OSBPL7: variants seen among roughly 807,000 people sequenced by gnomAD.
OSBPL7 encodes oxysterol binding protein like 7, also known as oxysterol-binding protein-related protein 7.
OSBPL7 carries 66 observed loss-of-function variants against 115.8 expected under a neutral mutation model. The observed-to-expected ratio is 0.57, with a 90% CI of 0.47 to 0.70. OSBPL7 has a LOEUF of 0.70. Among genes scored for constraint, OSBPL7 ranks in the 30% least tolerant of loss-of-function variants. OSBPL7 has a pLI of 0.00. For missense variants in OSBPL7, 902 were observed against 1,125.5 expected (o/e 0.80, Z 2.84); for synonymous variants, 441 against 439.2 (o/e 1.00, Z -0.05).
Position 47,814,492 on chromosome 17 carries a change from CCCTCCCTGCCTG to C in OSBPL7, c.1351+17_1351+28del. 7.0e-7 allele frequency: 1 copy of C among 1,435,058 alleles called. No homozygotes were observed. Among genetic ancestry groups the C allele is most frequent in the Non-Finnish European group, 9.8e-7 (1 of 1,020,676 alleles). 88.9% of individuals were successfully genotyped at this position (1,435,058 alleles called of 1,614,324 possible). On this transcript the variant is annotated intron_variant, in intron 14 of 22. Transcript: ENST00000007414. ...CCCTGTTTTTCCACCCGCCTCCCAC[CCCTCCCTGCCTG>C]CCCACCCAGCTGGCACCTTTCTGAC...
Position 47,816,488 on chromosome 17 carries a change from G to C in OSBPL7, c.929-6C>G, listed in dbSNP as rs1775065077. The stretch of plus-strand genomic sequence containing the variant: ...GCTGCTGAGGGAGCTGTGCACTACA[G>C]GGAGTGGGGCAGACCATCAGAGTCC... On this transcript the variant is annotated splice_region_variant and splice_polypyrimidine_tract_variant and intron_variant, in intron 10 of 22. Transcript: ENST00000007414. The surrounding 1 kb of genome is among the most constrained non-coding windows in gnomAD (Gnocchi z 5.8). The C allele has an allele frequency of 1.9e-6, 3 of 1,548,746 alleles. No individual in the cohort carries two copies. The South Asian group carries it at 3.6e-5, about 19-fold the overall frequency.
chr17:47,810,722 G>T, intron 17 of OSBPL7, 50 bp from the exon 18 acceptor site: 1 of 1,612,868 alleles, frequency 6.2e-7, no homozygotes, highest in Non-Finnish European at 8.5e-7. Flanking sequence ...TAAGGCCAGA[G>T]GGTGTTCCCT....
At chr17:47,809,858 G>A (rs1056861647) in intron 18 of OSBPL7, among the ~76,000 whole-genome samples, 3 of 151,478 alleles carry the variant, frequency 2.0e-5, no homozygotes, top group Admixed American at 6.6e-5. Flanking sequence ...GCTCTGAAGT[G>A]TCAAGTCTTT....
intron 18 of OSBPL7, 105 bp from the exon 19 acceptor site, chr17:47,809,583 A>AC: frequency 7.4e-7 from 1 of 1,351,026 alleles, no homozygotes; most frequent in Non-Finnish European, 1.0e-6. Context: ...TGTGACAGGA[A>AC]CCCTGGGGTC....
At position 47,816,155 on chromosome 17, in the gene OSBPL7, G is replaced by C; in HGVS notation, c.1071C>G (p.Thr357=). The change falls in exon 12 of 23, where the codon ACC becomes ACG. Residue 357 remains threonine, a synonymous_variant. Transcript: ENST00000007414. This position sits in a 1 kb window ranked among gnomAD's most constrained non-coding sequence, Gnocchi z 5.8. ...TGQRRLHSLS[T]SSDTTADSFS... ...AAGAGTCCGCCGTGGTGTCGGAGGAGGTGGACAGTGAGTGGAGGCGCCTCT... is the reference window on the plus strand; with the variant it reads ...AAGAGTCCGCCGTGGTGTCGGAGGACGTGGACAGTGAGTGGAGGCGCCTCT... The C allele has an allele frequency of 6.4e-7, 1 of 1,551,152 alleles. No individual in the cohort carries two copies. The highest frequency in any genetic ancestry group is 8.7e-7 in the Non-Finnish European group (1 of 1,147,000).
intron 5 of OSBPL7, 24 bp downstream of exon 5, chr17:47,818,962 C>T (rs773321379): frequency 6.3e-6 from 10 of 1,596,656 alleles, no homozygotes; most frequent in Admixed American, 5.0e-5. Flanking sequence ...GGCCAACACA[C>T]GTCCTGCCTC....
chr17:47,819,148 C>G, intron 4 of OSBPL7, 49 bp from the exon 5 acceptor site: 1 of 1,515,578 alleles, frequency 6.6e-7, no homozygotes, highest in Non-Finnish European at 9.2e-7. Context: ...TTTAGGCTCT[C>G]AGAGCCATAG....
chr17:47,814,772 T>C (rs1788011895), intron 13 of OSBPL7, 158 bp from the exon 14 acceptor site: 1 of 659,438 alleles, frequency 1.5e-6, no homozygotes, highest in Non-Finnish European at 2.6e-6. Flanking sequence ...TGCCCCGGGA[T>C]GCCTGGCATC....
intron 14 of OSBPL7, among the ~76,000 whole-genome samples, chr17:47,814,309 C>T (rs1430057789): frequency 6.6e-6 from 1 of 152,222 alleles, no homozygotes; most frequent in Non-Finnish European, 1.5e-5. Flanking sequence ...GAGGCCAGCC[C>T]CAAGGCCTGA....
At chr17:47,813,099 G>A (rs1243314766) in intron 16 of OSBPL7, among the ~76,000 whole-genome samples, 167 bp downstream of exon 16, 2 of 152,174 alleles carry the variant, frequency 1.3e-5, no homozygotes, top group African/African-American at 4.8e-5. Flanking sequence ...GGATCCAATG[G>A]CTGGACCTCA....
chr17:47,818,354 A>G lies in OSBPL7; in HGVS notation c.513T>C (p.Thr171=), dbSNP rs775701138. The change falls in exon 7 of 23, where the codon ACT becomes ACC. Residue 171 remains threonine (T), a synonymous_variant. Transcript: ENST00000007414. ...GTCCAAGCCCAGGTAGGGCTGAGGC[A>G]GTAGCTGCTGTTGGAAGCTGGGCAC... The part of the protein sequence containing the change: ...VPGAQLPTAA[T]ASALPGLGPR... 1 of 1,614,126 alleles carries G rather than the reference A, an allele frequency of 6.2e-7. No homozygotes were observed. The highest frequency in any genetic ancestry group is 8.5e-7 in the Non-Finnish European group (1 of 1,180,000).
chr17:47,820,894 G>A (rs1428313682), intron 1 of OSBPL7: 1 of 151,986 alleles, frequency 6.6e-6, no homozygotes, highest in Non-Finnish European at 1.5e-5. Context: ...CTAGTGCTTG[G>A]AGAAACTGAG....
rs766480855 is a variant in OSBPL7, at chr17:47,810,836, CT to C, written c.1738-2del. On this transcript the variant is annotated splice_acceptor_variant, in intron 16 of 22. Coordinates refer to ENST00000007414, the MANE Select transcript of OSBPL7 (RefSeq NM_145798.3). LOFTEE classifies it high-confidence loss of function. ...CCGAGATAGGGGGGTGGTGGGAGAC[CT>C]TGGTGAGCAAAGAAGTTATCTTGAG... 2 of 1,613,316 alleles carry C rather than the reference CT, an allele frequency of 1.2e-6. No homozygotes were observed. The highest frequency in any genetic ancestry group is 2.2e-5 in the South Asian group (2 of 90,962).
chr17:47,815,627 T>TAACTCCACTCCAAGCCCCACTCCAA lies in OSBPL7; in HGVS notation c.1120-276_1120-275insTTGGAGTGGGGCTTGGAGTGGAGTT, dbSNP rs1471865406. The TAACTCCACTCCAAGCCCCACTCCAA allele has an allele frequency of 7.2e-5, 34 of 472,612 alleles. No homozygotes were observed. The Middle Eastern group carries it at 2.2e-3, about 31-fold the overall frequency. The allele number at this position is 472,612 out of a possible 1,614,324, so 29.3% of individuals were successfully genotyped here. ...TGAGCCCCACTCCAAGCCCTCTGTG[T>TAACTCCACTCCAAGCCCCACTCCAA]GCACTAACCCATTCAATCCTGACAC... On this transcript the variant is annotated intron_variant, in intron 12 of 22. Transcript: ENST00000007414.
Position 47,816,770 on chromosome 17 carries a change from C to A in OSBPL7, c.795+10G>T. 5 of 1,614,144 alleles carry A rather than the reference C, an allele frequency of 3.1e-6. No individual in the cohort carries two copies. Among genetic ancestry groups the A allele is most frequent in the Non-Finnish European group, 4.2e-6 (5 of 1,180,012 alleles). On this transcript the variant is annotated intron_variant, in intron 9 of 22. Coordinates refer to ENST00000007414, the MANE Select transcript of OSBPL7 (RefSeq NM_145798.3). This position sits in a 1 kb window ranked among gnomAD's most constrained non-coding sequence, Gnocchi z 5.8. The stretch of plus-strand genomic sequence containing the variant: ...TGCCCCAGCTACGTGAGGTGCATGC[C>A]CGACCTCACCCGTCCAATGGTGTCA...
chr17:47,819,585 G>A (rs894986842), intron 4 of OSBPL7, 144 bp downstream of exon 4: 9 of 946,586 alleles, frequency 9.5e-6, no homozygotes, highest in Non-Finnish European at 1.5e-5. Context: ...GCCCAGGGAT[G>A]TAACTTGCCC....
At chr17:47,811,983 G>A (rs12602461) in intron 16 of OSBPL7, among the ~76,000 whole-genome samples, 14,065 of 152,168 alleles carry the variant, frequency 0.092, 998 homozygotes, top group African/African-American at 0.2. Context: ...ATTTTCTGTT[G>A]TACGCACGAG....
chr17:47,818,317 C>T lies in OSBPL7; in HGVS notation c.550G>A (p.Val184Met). Reference protein sequence around the residue: ...ALPGLGPREKVSSWLRDSDGL... With the variant: ...ALPGLGPREKMSSWLRDSDGL... ...TCACTGTCCCTCAGCCAGGAAGACA[C>T]TTTCTCCCGCGGTCCAAGCCCAGGT... The change falls in exon 7 of 23, where the codon GTG becomes ATG. Residue 184 changes from valine to methionine, a missense_variant. By Grantham distance (21) the Val-to-Met change is conservative. Around this residue, in one of 3 missense-constraint regions of OSBPL7, gnomAD observed 667 missense variants for 788.7 expected, o/e 0.85. Transcript: ENST00000007414. The T allele has an allele frequency of 1.2e-6, 2 of 1,614,122 alleles. No homozygotes were observed. Among genetic ancestry groups the T allele is most frequent in the Non-Finnish European group, 1.7e-6 (2 of 1,179,968 alleles).
chr17:47,816,183 C>A lies in OSBPL7; in HGVS notation c.1043G>T (p.Gly348Val). ...GGACAGTGAGTGGAGGCGCCTCTGG[C>A]CAGTGGAGGCCTCAGAGACCTGCAG... Reference protein sequence around the residue: ...SRMGVSEASTGQRRLHSLSTS... With the variant: ...SRMGVSEASTVQRRLHSLSTS... The change falls in exon 12 of 23, where the codon GGC (glycine) becomes GTC (valine). Residue 348 changes from glycine (G) to valine (V), a missense_variant. By Grantham distance (109) the Gly-to-Val change is moderately radical. Coordinates refer to ENST00000007414, the MANE Select transcript of OSBPL7 (RefSeq NM_145798.3). This position sits in a 1 kb window ranked among gnomAD's most constrained non-coding sequence, Gnocchi z 5.8. 3 of 1,550,398 alleles carry A rather than the reference C, an allele frequency of 1.9e-6. No individual in the cohort carries two copies. The highest frequency in any genetic ancestry group is 2.6e-6 in the Non-Finnish European group (3 of 1,146,922).
Sources: allele counts gnomAD v4.1 joint callset (sites outside exome capture counted in the v4.1 genomes callset), GRCh38; gene constraint gnomAD v4.1.1; regional missense constraint gnomAD v4.1.1; non-coding constraint Gnocchi (gnomAD v3.1); transcripts MANE v1.5; gene names NCBI Gene and HGNC (gene_info 2026-07-23, HGNC 2026-07-21).